Variants in AOPEP observed in about 807,000 individuals in gnomAD.
The protein encoded by AOPEP is aminopeptidase O.
Under a neutral mutation model 98.1 loss-of-function variants are expected in AOPEP, and 77 were observed. The observed-to-expected ratio is 0.78, with a 90% CI of 0.65 to 0.95. The LOEUF is 0.95. Ranked by LOEUF, AOPEP falls within the 40% of genes least tolerant of loss-of-function variation. AOPEP has a pLI of 0.00. For missense variants in AOPEP, 1,024 were observed against 1,024.7 expected (o/e 1.00, Z 0.01); for synonymous variants, 346 against 365.3 (o/e 0.95, Z 0.60).
At chr9:95,006,377 T>G (rs929813367) in intron 13 of AOPEP, among the ~76,000 whole-genome samples, 1 of 152,226 alleles carries the variant, frequency 6.6e-6, no homozygotes. Context: ...TAGCGGTGTG[T>G]TTTTCTGCTG....
intron 5 of AOPEP, among the ~76,000 whole-genome samples, chr9:94,862,553 G>A (rs1409410896): frequency 6.6e-6 from 1 of 152,182 alleles, no homozygotes; most frequent in East Asian, 1.9e-4. Flanking sequence ...GCCTGCGACT[G>A]GTCCCCACCC....
chr9:95,142,633 T>C, the AOPEP span: 4 of 151,658 alleles, frequency 2.6e-5, no homozygotes, highest in Non-Finnish European at 4.4e-5. Flanking sequence ...GTGTAAGTAT[T>C]TGTCCTAGTT....
intron 3 of AOPEP, among the ~76,000 whole-genome samples, chr9:94,782,762 A>G (rs1459773406): frequency 1.3e-5 from 2 of 152,232 alleles, no homozygotes; most frequent in Non-Finnish European, 2.9e-5. Context: ...TTTTAAGGGT[A>G]AACGTATTAA....
intron 3 of AOPEP, among the ~76,000 whole-genome samples, chr9:94,774,011 G>C (rs941652007): frequency 6.6e-6 from 1 of 152,110 alleles, no homozygotes; most frequent in Non-Finnish European, 1.5e-5. Flanking sequence ...CAAGTGATCT[G>C]TCTACCTCAG....
intron 7 of AOPEP, among the ~76,000 whole-genome samples, chr9:94,945,145 A>T (rs1375037136): frequency 6.6e-6 from 1 of 152,158 alleles, no homozygotes; most frequent in African/African-American, 2.4e-5. Context: ...ACCCCGTGGA[A>T]TGATAATTCA....
chr9:94,904,228 T>G (rs2050824584), intron 5 of AOPEP: 1 of 152,178 alleles, frequency 6.6e-6, no homozygotes, highest in African/African-American at 2.4e-5. Flanking sequence ...ATGGAATACC[T>G]ACCCACTGCA....
At chr9:95,121,888 C>T in the AOPEP span, among the ~76,000 whole-genome samples, 2 of 147,188 alleles carry the variant, frequency 1.4e-5, no homozygotes, top group South Asian at 2.2e-4. Context: ...GATGGAGTCT[C>T]GCTCTGTCGC....
rs561098299 is a variant in AOPEP at position 94,955,657 on chromosome 9, C to T, written c.1765-251C>T. On this transcript the variant is annotated intron_variant, in intron 8 of 16. Coordinates refer to ENST00000375315, the MANE Select transcript of AOPEP (RefSeq NM_001193329.3). The stretch of plus-strand genomic sequence containing the variant: ...TGGGTCTCTCTTCTCTTTTCATCTG[C>T]GATGGACAACCAGCCTTCATGTGAA... 2.3e-3 allele frequency among the ~76,000 whole-genome samples: 345 copies of T among 152,192 alleles called. 1 individual carries two copies. Among genetic ancestry groups the T allele is most frequent in the Admixed American group, 5.5e-3 (84 of 15,272 alleles).
Position 94,760,120 on chromosome 9 carries a change from G to A in AOPEP, c.337G>A (p.Asp113Asn), listed in dbSNP as rs1837918685. Reference sequence around the variant, plus strand: ...AGGTGAAAAAGATACTTCTGATAAAGATGGTAACCATGACAACCAGGAACA... The same window carrying A: ...AGGTGAAAAAGATACTTCTGATAAAAATGGTAACCATGACAACCAGGAACA... ...SKGEKDTSDK[D>N]GNHDNQEHAS... Residue 113 changes from aspartate to asparagine, a missense_variant, in exon 2 of 17, where the codon GAT becomes AAT. Transcript: ENST00000375315. The A allele has an allele frequency of 6.2e-7, 1 of 1,614,078 alleles. No homozygotes were observed. Among genetic ancestry groups the A allele is most frequent in the Non-Finnish European group, 8.5e-7 (1 of 1,180,040 alleles).
intron 5 of AOPEP, among the ~76,000 whole-genome samples, chr9:94,867,886 A>G (rs1044287772): frequency 7.9e-5 from 12 of 152,216 alleles, no homozygotes; most frequent in African/African-American, 2.9e-4. Context: ...CATTTCAACC[A>G]TGTCAAAGTA....
intron 13 of AOPEP, among the ~76,000 whole-genome samples, chr9:95,031,756 A>G (rs1381753636): frequency 6.6e-6 from 1 of 152,212 alleles, no homozygotes; most frequent in Non-Finnish European, 1.5e-5. Flanking sequence ...CTGCTGGATC[A>G]TGTCATTTCA....
the AOPEP span, chr9:95,135,656 T>C: frequency 4.6e-6 from 3 of 657,850 alleles, no homozygotes; most frequent in Non-Finnish European, 8.0e-6. Flanking sequence ...AGTGAATATT[T>C]ACCAAGTGCT....
intron 5 of AOPEP, among the ~76,000 whole-genome samples, chr9:94,820,177 C>T (rs1387149081): frequency 6.6e-6 from 1 of 152,080 alleles, no homozygotes; most frequent in Non-Finnish European, 1.5e-5. Context: ...AACTCCTGAC[C>T]TCAGGTGATC....
intron 12 of AOPEP, 41 bp from the exon 13 acceptor site, chr9:95,005,501 C>G: frequency 6.4e-7 from 1 of 1,571,718 alleles, no homozygotes; most frequent in Non-Finnish European, 8.8e-7. Context: ...CCGTCAGGAC[C>G]CTGTCGCCTT....
intron 5 of AOPEP, among the ~76,000 whole-genome samples, chr9:94,857,406 T>G (rs2044356178): frequency 6.6e-6 from 1 of 152,228 alleles, no homozygotes; most frequent in Admixed American, 6.5e-5. Context: ...AGGATTAATC[T>G]CCAACGACTT....
At chr9:94,966,556 T>C (rs973417423) in intron 9 of AOPEP, among the ~76,000 whole-genome samples, 19 of 152,262 alleles carry the variant, frequency 1.2e-4, no homozygotes, top group African/African-American at 4.3e-4. Context: ...TTGTTACTCA[T>C]TATCATCAAG....
chr9:95,086,485 T>C, intron 16 of AOPEP, 197 bp from the exon 17 acceptor site: 7 of 985,408 alleles, frequency 7.1e-6, no homozygotes, highest in Non-Finnish European at 7.2e-6. Flanking sequence ...GCTGGTGTCA[T>C]GGCCACGTGT....
intron 5 of AOPEP, among the ~76,000 whole-genome samples, chr9:94,856,532 T>G (rs2044234649): frequency 6.6e-6 from 1 of 151,744 alleles, no homozygotes; most frequent in East Asian, 1.9e-4. Context: ...TCCCAGCTAC[T>G]TTGAAGGCTG....
At chr9:95,072,029 A>G (rs1445936937) in intron 14 of AOPEP, among the ~76,000 whole-genome samples, 2 of 152,152 alleles carry the variant, frequency 1.3e-5, no homozygotes, top group East Asian at 3.9e-4. Context: ...CTTTTGCCTC[A>G]TCTCTGTGTT....
Sources: allele counts gnomAD v4.1 joint callset (sites outside exome capture counted in the v4.1 genomes callset), GRCh38; gene constraint gnomAD v4.1.1; transcripts MANE v1.5; gene names NCBI Gene and HGNC (gene_info 2026-07-23, HGNC 2026-07-21).